Variants in MRTFA observed in about 807,000 individuals in gnomAD.
The protein encoded by MRTFA is myocardin-related transcription factor A.
A neutral mutation model predicts 83.5 loss-of-function variants in MRTFA; 20 were observed. The observed-to-expected ratio is 0.24, with a 90% CI of 0.17 to 0.35. The LOEUF is 0.35. Ranked by LOEUF, MRTFA falls within the 10% of genes least tolerant of loss-of-function variation. The pLI is 1.00. For missense variants in MRTFA, 1,200 were observed against 1,224.7 expected (o/e 0.98, Z 0.30); for synonymous variants, 659 against 541.2 (o/e 1.22, Z -3.02).
chr22:40,575,806 AT>A (rs1467901241), intron 2 of MRTFA, among the ~76,000 whole-genome samples: 1 of 152,102 alleles, frequency 6.6e-6, no homozygotes, highest in Non-Finnish European at 1.5e-5. Flanking sequence ...AACTGCAATT[AT>A]TTTTTTGCCA....
At chr22:40,620,786 A>G (rs1359361980) in intron 1 of MRTFA, among the ~76,000 whole-genome samples, 1 of 152,106 alleles carries the variant, frequency 6.6e-6, no homozygotes, top group Non-Finnish European at 1.5e-5. Flanking sequence ...AATGACAAGA[A>G]CCCCCAAAAT....
chr22:40,423,420 A>G, intron 9 of MRTFA, 116 bp downstream of exon 9: 1 of 967,044 alleles, frequency 1.0e-6, no homozygotes, highest in African/African-American at 1.7e-5. Context: ...TCCCAGACCA[A>G]TGGGAGAAGA....
rs1395221798 is a variant in MRTFA, at chr22:40,417,669, G to A, written c.2365-176C>T. ...AGCCACTAGGTAGGAAGGAATACAG[G>A]ATGGGGGGCCCTCAACCCTGCAGGG... On this transcript the variant is annotated intron_variant, in intron 12 of 14. Coordinates refer to ENST00000355630, the MANE Select transcript of MRTFA (RefSeq NM_020831.6). 8.4e-6 allele frequency: 5 copies of A among 593,428 alleles called. No homozygotes were observed. In the Admixed American group the frequency reaches 1.5e-4, roughly 18 times the overall value. 36.8% of individuals were successfully genotyped at this position (593,428 alleles called of 1,614,324 possible).
chr22:40,484,045 G>A (rs2054135219), intron 3 of MRTFA, among the ~76,000 whole-genome samples: 1 of 151,842 alleles, frequency 6.6e-6, no homozygotes, highest in Admixed American at 6.6e-5. Context: ...AAGCAGTAGG[G>A]AATAGAAAGG....
chr22:40,484,166 GAA>G (rs11301424), intron 3 of MRTFA, among the ~76,000 whole-genome samples: 4 of 145,356 alleles, frequency 2.8e-5, no homozygotes, highest in South Asian at 2.2e-4. Flanking sequence ...TATGGATAAA[GAA>G]AAAAAAAACA....
intron 2 of MRTFA, among the ~76,000 whole-genome samples, chr22:40,572,241 C>A (rs772647257): frequency 6.6e-6 from 1 of 152,058 alleles, no homozygotes; most frequent in Admixed American, 6.6e-5. Context: ...GGTACAGGTT[C>A]TCTTTGAGGT....
At chr22:40,463,071 C>T in intron 4 of MRTFA, 150 bp downstream of exon 4, 1 of 714,452 alleles carries the variant, frequency 1.4e-6, no homozygotes, top group Admixed American at 2.2e-5. Context: ...AGTGATTGAG[C>T]TCTAAACTTG....
chr22:40,514,910 C>CTTT (rs1338372081), intron 3 of MRTFA, among the ~76,000 whole-genome samples: 2 of 130,854 alleles, frequency 1.5e-5, no homozygotes, highest in African/African-American at 2.8e-5. Context: ...ATATTTCTTC[C>CTTT]TTTTTTTTTT....
intron 2 of MRTFA, among the ~76,000 whole-genome samples, chr22:40,568,861 C>T (rs1223692489): frequency 6.6e-6 from 1 of 151,608 alleles, no homozygotes; most frequent in Non-Finnish European, 1.5e-5. Context: ...ATGTGGATAG[C>T]AAAAAAAGAA....
intron 3 of MRTFA, among the ~76,000 whole-genome samples, chr22:40,548,966 G>GT (rs1331855235): frequency 1.3e-5 from 2 of 151,784 alleles, no homozygotes; most frequent in African/African-American, 4.8e-5. Context: ...ACAAAACTCT[G>GT]TAAGACATTA....
In MRTFA at chr22:40,552,301, C is replaced by T. The variant is rs1169914918; in HGVS notation, c.46G>A (p.Val16Met). ...GCCCCTCCTCCGTCCAGCCCATTCA[C>T]AGCAATGACGGAAGGGGGCAGGCAC... is the stretch of plus-strand genomic sequence containing the variant. Residue 16 changes from valine to methionine, a missense_variant, in exon 3 of 15, where the codon GTG (valine) becomes ATG (methionine). Val to Met is a conservative substitution (Grantham distance 21, BLOSUM62 1). Coordinates refer to ENST00000355630, the MANE Select transcript of MRTFA (RefSeq NM_020831.6). 1 of 399,050 alleles carries T rather than the reference C, an allele frequency of 2.5e-6. No homozygotes were observed. Among genetic ancestry groups the T allele is most frequent in the African/African-American group, 2.1e-5 (1 of 48,750 alleles). 24.7% of individuals were successfully genotyped at this position (399,050 alleles called of 1,614,324 possible).
At chr22:40,513,457 TG>T (rs2054700457) in intron 3 of MRTFA, among the ~76,000 whole-genome samples, 1 of 151,686 alleles carries the variant, frequency 6.6e-6, no homozygotes, top group Non-Finnish European at 1.5e-5. Context: ...AAAAATTAGC[TG>T]GGCATGGTGG....
chr22:40,546,893 C>T (rs374156932), intron 3 of MRTFA, among the ~76,000 whole-genome samples: 2 of 152,146 alleles, frequency 1.3e-5, no homozygotes, highest in African/African-American at 4.8e-5. Context: ...CGGTGGATCA[C>T]GCCTGTAATC....
intron 3 of MRTFA, among the ~76,000 whole-genome samples, chr22:40,539,361 A>G (rs916660786): frequency 6.9e-6 from 1 of 144,016 alleles, no homozygotes; most frequent in African/African-American, 2.6e-5. Flanking sequence ...TTTTTTTGAG[A>G]CAGAATCTTG....
intron 4 of MRTFA, among the ~76,000 whole-genome samples, chr22:40,454,738 A>C (rs1046190519): frequency 8.5e-5 from 13 of 152,312 alleles, no homozygotes; most frequent in South Asian, 6.2e-4. Context: ...CTAACTCCTA[A>C]GTAACAGAGC....
intron 1 of MRTFA, among the ~76,000 whole-genome samples, chr22:40,597,791 C>A (rs1014532839): frequency 6.6e-6 from 1 of 152,156 alleles, no homozygotes; most frequent in Non-Finnish European, 1.5e-5. Context: ...AGGCAACAGG[C>A]ATTTTGAAAG....
At chr22:40,492,254 ATTCTAC>A (rs2054283966) in intron 3 of MRTFA, among the ~76,000 whole-genome samples, 1 of 152,220 alleles carries the variant, frequency 6.6e-6, no homozygotes. Context: ...TGGGCACTTC[ATTCTAC>A]AGTGCAAAGG....
intron 1 of MRTFA, among the ~76,000 whole-genome samples, chr22:40,609,724 G>C (rs376004871): frequency 2.0e-5 from 3 of 151,408 alleles, no homozygotes; most frequent in South Asian, 2.1e-4. Flanking sequence ...CCAGCTACTC[G>C]GGAGGCTGAG....
At chr22:40,575,059 T>C (rs1365685040) in intron 2 of MRTFA, among the ~76,000 whole-genome samples, 1 of 152,230 alleles carries the variant, frequency 6.6e-6, no homozygotes, top group East Asian at 1.9e-4. Context: ...AAAAGTAGCA[T>C]GGGCTTAGGT....
Sources: gnomAD v4.1 joint callset for allele counts (sites outside exome capture counted in the v4.1 genomes callset) on GRCh38, gnomAD v4.1.1 for gene constraint, MANE v1.5 for transcripts, NCBI Gene and HGNC (gene_info 2026-07-23, HGNC 2026-07-21) for gene names.